The following ZFYVE28 variants were observed in gnomAD, a reference collection of about 807,000 sequenced individuals.
ZFYVE28 encodes lateral signaling target protein 2 homolog.
ZFYVE28 carries 40 observed loss-of-function variants against 82.1 expected under a neutral mutation model. The ratio of observed to expected loss-of-function variants is 0.49; its 90% CI spans 0.38 to 0.63. The LOEUF is 0.63. ZFYVE28 is among the 30% of genes least tolerant of loss of function. The pLI is 0.00. For synonymous variants in ZFYVE28, 612 were observed against 546.1 expected, an observed-to-expected ratio of 1.12 and a Z score of -1.68; for missense variants, 1,321 against 1,242.1, an observed-to-expected ratio of 1.06 and a Z score of -0.96.
At position 2,305,418 on chromosome 4, in the gene ZFYVE28, G is replaced by C; in HGVS notation, c.922C>G (p.Pro308Ala). The C allele has an allele frequency of 6.2e-7, 1 of 1,612,842 alleles. No homozygotes were observed. The highest frequency in any genetic ancestry group is 1.1e-5 in the South Asian group (1 of 91,074). Residue 308 changes from proline (P) to alanine (A), a missense_variant, in exon 8 of 13, where the codon CCT becomes GCT. Physicochemically the swap from Pro to Ala is conservative, Grantham distance 27 (BLOSUM62 -1). Coordinates refer to ENST00000290974, the MANE Select transcript of ZFYVE28 (RefSeq NM_020972.3). ...GGGGGGAGAGGGGCAGAGAGGGCAG[G>C]CGCCAGGGCAGCGGGTCCCTGCACG... ...ADVQGPAALAPALSAPLPPEG... is the reference protein window; with the variant it reads ...ADVQGPAALAAALSAPLPPEG...
intron 10 of ZFYVE28, 37 bp from the exon 11 acceptor site, chr4:2,271,816 G>T (rs1735937813): frequency 1.3e-6 from 2 of 1,595,362 alleles, no homozygotes; most frequent in African/African-American, 2.7e-5. Context: ...TATGGTGAGG[G>T]AGGCGGGCAA....
In ZFYVE28 at chr4:2,276,523, C is replaced by A. The variant is rs557247487; in HGVS notation, c.2052-2307G>T. On this transcript the variant is annotated intron_variant, in intron 8 of 12. Coordinates refer to ENST00000290974, the MANE Select transcript of ZFYVE28 (RefSeq NM_020972.3). ...GGACTCGGACAGATACTTGCACGCC[C>A]ACGTTCATAGCGGCCAAGAGACGGC... 2.0e-5 allele frequency among the ~76,000 whole-genome samples: 3 copies of A among 152,276 alleles called. No homozygotes were observed. In the East Asian group the frequency reaches 5.8e-4, roughly 29 times the overall value.
rs1577992651 is a variant in ZFYVE28 at position 2,304,382 on chromosome 4, G to A, written c.1958C>T (p.Ala653Val). 6.2e-7 allele frequency: 1 copy of A among 1,612,234 alleles called. No individual in the cohort carries two copies. The highest frequency in any genetic ancestry group is 1.3e-5 in the African/African-American group (1 of 74,954). ...VDTASGLQGE[A>V]GVAGQQEPEA... is the part of the protein sequence containing the mutation. ...TGGCTCCTGCTGACCTGCAACCCCAGCCTCTCCTTGCAGCCCACTCGCTGT... is the reference window on the plus strand; with the variant it reads ...TGGCTCCTGCTGACCTGCAACCCCAACCTCTCCTTGCAGCCCACTCGCTGT... The change falls in exon 8 of 13, where the codon GCT (alanine) becomes GTT (valine). Residue 653 changes from alanine (A) to valine (V), a missense_variant. Transcript: ENST00000290974.
At position 2,418,257 on chromosome 4, in the gene ZFYVE28, G is replaced by A. The variant is rs1433063609; in HGVS notation, c.39+28C>T. On this transcript the variant is annotated intron_variant, in intron 1 of 12. Transcript: ENST00000290974. The surrounding 1 kb of genome is among the most constrained non-coding windows in gnomAD (Gnocchi z 4.6). Reference sequence around the variant, plus strand: ...GGAAGGGAGAGGCCGCGACGCGGGGGGCGTCCGGCCCGAGCGGGGCCGCTC... The same window carrying A: ...GGAAGGGAGAGGCCGCGACGCGGGGAGCGTCCGGCCCGAGCGGGGCCGCTC... The A allele has an allele frequency of 3.3e-6, 5 of 1,534,220 alleles. No homozygotes were observed. The highest frequency in any genetic ancestry group is 4.4e-6 in the Non-Finnish European group (5 of 1,139,936).
intron 1 of ZFYVE28, among the ~76,000 whole-genome samples, chr4:2,399,108 G>GA (rs1560339008): frequency 2.7e-5 from 4 of 149,816 alleles, no homozygotes; most frequent in South Asian, 2.1e-4. Context: ...GCACAAGCTG[G>GA]GGCAAGATGG....
At chr4:2,307,389 A>G (rs1377608487) in intron 7 of ZFYVE28, among the ~76,000 whole-genome samples, 3 of 152,164 alleles carry the variant, frequency 2.0e-5, no homozygotes, top group Non-Finnish European at 2.9e-5. Context: ...ATAAAGTCCA[A>G]TTATAACATT....
rs1291064809 is a variant in ZFYVE28 at position 2,273,157 on chromosome 4, C to T, written c.2323+16G>A. The T allele has an allele frequency of 6.2e-7, 1 of 1,605,420 alleles. No homozygotes were observed. Among genetic ancestry groups the T allele is most frequent in the East Asian group, 2.2e-5 (1 of 44,818 alleles). On this transcript the variant is annotated intron_variant, in intron 10 of 12. Coordinates refer to ENST00000290974, the MANE Select transcript of ZFYVE28 (RefSeq NM_020972.3). ...ACCAGCGCAGGCCTCAGAGCCCGTC[C>T]TGAGTGGGCACTCACCCTTCCTTAA...
At chr4:2,279,187 T>C (rs1267767614) in intron 8 of ZFYVE28, among the ~76,000 whole-genome samples, 6 of 152,218 alleles carry the variant, frequency 3.9e-5, no homozygotes, top group Non-Finnish European at 7.3e-5. Context: ...ATCCCAGCCC[T>C]GTGGGAGGCC....
At chr4:2,344,144 C>T (rs938641065) in intron 2 of ZFYVE28, among the ~76,000 whole-genome samples, 7 of 152,150 alleles carry the variant, frequency 4.6e-5, no homozygotes, top group Admixed American at 1.3e-4. Context: ...AGAGGGAACT[C>T]GGATGGAACC....
At chr4:2,407,023 G>C (rs1285268522) in intron 1 of ZFYVE28, among the ~76,000 whole-genome samples, 1 of 151,954 alleles carries the variant, frequency 6.6e-6, no homozygotes, top group Non-Finnish European at 1.5e-5. Flanking sequence ...AGGCATTGCT[G>C]TCCAGAATTT....
chr4:2,298,873 C>T (rs769695626), intron 8 of ZFYVE28, among the ~76,000 whole-genome samples: 7 of 152,120 alleles, frequency 4.6e-5, no homozygotes, highest in East Asian at 3.8e-4. Context: ...AGCCTCCTCC[C>T]GACTAGTCAT....
At position 2,297,200 on chromosome 4, in the gene ZFYVE28, C is replaced by T. The variant is rs112077464; in HGVS notation, c.2051+7089G>A. On this transcript the variant is annotated intron_variant, in intron 8 of 12. Transcript: ENST00000290974. ...ACCTGCCCTCCTCTGGGCTGCGCAC[C>T]GGGAGCCAGGCTGGGGGCCACAGGA... Among the ~76,000 whole-genome samples the T allele has an allele frequency of 9.5e-3, 1,450 of 152,344 alleles. 20 individuals carry two copies. Among genetic ancestry groups the T allele is most frequent in the African/African-American group, 0.033 (1,391 of 41,586 alleles).
At chr4:2,357,948 G>T (rs947906710) in intron 1 of ZFYVE28, among the ~76,000 whole-genome samples, 1 of 152,212 alleles carries the variant, frequency 6.6e-6, no homozygotes, top group Admixed American at 6.5e-5. Context: ...GGTAAGCGGA[G>T]GAGACGGCTC....
intron 2 of ZFYVE28, among the ~76,000 whole-genome samples, chr4:2,346,302 A>C (rs1172292227): frequency 2.7e-5 from 4 of 150,660 alleles, no homozygotes; most frequent in African/African-American, 4.9e-5. Flanking sequence ...AGATCGCGCC[A>C]CTGCACTCCA....
chr4:2,401,181 G>T (rs1295847931), intron 1 of ZFYVE28, among the ~76,000 whole-genome samples: 1 of 152,192 alleles, frequency 6.6e-6, no homozygotes. Context: ...ACTAAGGGGG[G>T]CCCCGAAGGG....
intron 1 of ZFYVE28, among the ~76,000 whole-genome samples, chr4:2,376,411 G>A (rs367904589): frequency 1.4e-3 from 194 of 141,826 alleles, no homozygotes; most frequent in African/African-American, 4.6e-3. Context: ...TTTTAAATTC[G>A]CCAGATGTAT....
At position 2,416,010 on chromosome 4, in the gene ZFYVE28, C is replaced by G. The variant is rs370690862; in HGVS notation, c.39+2275G>C. On this transcript the variant is annotated intron_variant, in intron 1 of 12. Coordinates refer to ENST00000290974, the MANE Select transcript of ZFYVE28 (RefSeq NM_020972.3). The surrounding 1 kb of genome is among the most constrained non-coding windows in gnomAD (Gnocchi z 4.6). ...CAGACAGCATGCCAGGAGAAGACAA[C>G]GAGAAAAAGGAGAGATCCACATCAA... 2.0e-5 allele frequency among the ~76,000 whole-genome samples: 3 copies of G among 152,062 alleles called. No individual in the cohort carries two copies. The highest frequency in any genetic ancestry group is 7.2e-5 in the African/African-American group (3 of 41,386).
chr4:2,305,064 C>A lies in ZFYVE28; in HGVS notation c.1276G>T (p.Ala426Ser), dbSNP rs773838596. ...TGGGGGTCGGCCCAGGTACTGCCTG[C>A]CCACCCAAATGGGCCAGCTGGGGAC... Reference protein sequence around the residue: ...PESPAGPFGWAGSTWADPQEK... With the variant: ...PESPAGPFGWSGSTWADPQEK... Residue 426 changes from alanine (A) to serine (S), a missense_variant, in exon 8 of 13, where the codon GCA (alanine) becomes TCA (serine). Ala to Ser is a moderately conservative substitution (Grantham distance 99, BLOSUM62 1). Around this residue, in one of 2 missense-constraint regions of ZFYVE28, gnomAD observed 978 missense variants for 833.7 expected, o/e 1.17. Transcript: ENST00000290974. The A allele has an allele frequency of 6.2e-7, 1 of 1,610,948 alleles. No individual in the cohort carries two copies. The highest frequency in any genetic ancestry group is 8.5e-7 in the Non-Finnish European group (1 of 1,178,758).
Position 2,337,479 on chromosome 4 carries a change from A to G in ZFYVE28, c.539T>C (p.Val180Ala). ...EFELSYVSAMVPVKSPREYYV... is the reference protein window; with the variant it reads ...EFELSYVSAMAPVKSPREYYV... ...GTACTCCCTGGGGGACTTCACAGGCACCATGGCCGAGACGTAGCTGCAAAC... is the reference window on the plus strand; with the variant it reads ...GTACTCCCTGGGGGACTTCACAGGCGCCATGGCCGAGACGTAGCTGCAAAC... Residue 180 changes from valine (V) to alanine (A), a missense_variant, in exon 5 of 13, where the codon GTG becomes GCG. Coordinates refer to ENST00000290974, the MANE Select transcript of ZFYVE28 (RefSeq NM_020972.3). 1 of 1,608,408 alleles carries G rather than the reference A, an allele frequency of 6.2e-7. No individual in the cohort carries two copies.
Sources: allele counts gnomAD v4.1 joint callset (sites outside exome capture counted in the v4.1 genomes callset), GRCh38; gene constraint gnomAD v4.1.1; regional missense constraint gnomAD v4.1.1; non-coding constraint Gnocchi (gnomAD v3.1); transcripts MANE v1.5; gene names NCBI Gene and HGNC (gene_info 2026-07-23, HGNC 2026-07-21).